Variants in ODAD1 observed in about 807,000 individuals in gnomAD.
ODAD1 encodes outer dynein arm-docking complex subunit 1.
ODAD1 carries 49 observed loss-of-function variants against 67.2 expected under a neutral mutation model. The ratio of observed to expected loss-of-function variants is 0.73; its 90% CI spans 0.58 to 0.92. The LOEUF is 0.92. Ranked by LOEUF, ODAD1 falls within the 40% of genes least tolerant of loss-of-function variation. The pLI is 0.00. For missense variants in ODAD1, 897 were observed against 953.7 expected (o/e 0.94, Z 0.78); for synonymous variants, 345 against 393.7 (o/e 0.88, Z 1.46).
At chr19:48,316,315 G>A (rs1968896810) in intron 5 of ODAD1, among the ~76,000 whole-genome samples, 1 of 152,004 alleles carries the variant, frequency 6.6e-6, no homozygotes, top group African/African-American at 2.4e-5. Context: ...AGGAGACAGA[G>A]GTTGCAGTGA....
rs1459796812 is a variant in ODAD1 at position 48,311,661 on chromosome 19, G to T, written c.489C>A (p.Thr163=). Residue 163 remains threonine (T), a synonymous_variant, in exon 7 of 16, where the codon ACC becomes ACA. Coordinates refer to ENST00000674294, the MANE Select transcript of ODAD1 (RefSeq NM_001364171.2). ...RILENQLDRV[T]CHFDNQLVRN... ...GTACCAGCTGGTTGTCAAAGTGACAGGTGACCTGGGAGTAGAAAGGTGGAT... is the reference window on the plus strand; with the variant it reads ...GTACCAGCTGGTTGTCAAAGTGACATGTGACCTGGGAGTAGAAAGGTGGAT... 20 of 1,541,684 alleles carry T rather than the reference G, an allele frequency of 1.3e-5. No homozygotes were observed. Among genetic ancestry groups the T allele is most frequent in the Non-Finnish European group, 1.8e-5 (20 of 1,137,846 alleles).
chr19:48,321,608 C>A, intron 1 of ODAD1, 70 bp downstream of exon 1: 1 of 373,978 alleles, frequency 2.7e-6, no homozygotes, highest in Non-Finnish European at 4.7e-6. Flanking sequence ...TCGGGAGGCG[C>A]TCAGGCCTTG....
rs1968288321 is a variant in ODAD1, at chr19:48,296,650, G to GT, written c.*325dup. The stretch of plus-strand genomic sequence containing the variant: ...GAGGAGAGAGAGCCGGAAACAGGAG[G>GT]TGGGGGATCCACAGGGGGCCAGGGC... On this transcript the variant is annotated 3_prime_UTR_variant, in exon 16 of 16. Transcript: ENST00000674294. The GT allele has an allele frequency of 1.8e-6, 1 of 541,838 alleles. No individual in the cohort carries two copies. Among genetic ancestry groups the GT allele is most frequent in the Non-Finnish European group, 2.6e-6 (1 of 381,898 alleles). 33.6% of individuals were successfully genotyped at this position (541,838 alleles called of 1,614,324 possible).
At chr19:48,310,846 G>A (rs912824264) in intron 7 of ODAD1, among the ~76,000 whole-genome samples, 2 of 152,110 alleles carry the variant, frequency 1.3e-5, no homozygotes, top group Admixed American at 6.6e-5. Context: ...GGAGGCCGAG[G>A]CAGGCGAATT....
intron 12 of ODAD1, among the ~76,000 whole-genome samples, chr19:48,300,404 CTTCAATGTGGGAG>C (rs368142175): frequency 2.0e-3 from 309 of 152,286 alleles, no homozygotes; most frequent in African/African-American, 6.9e-3. Flanking sequence ...AAGTCACAGA[CTTCAATGTGGGAG>C]TTCAAACAAT....
chr19:48,312,987 T>C (rs1288370988), intron 5 of ODAD1, among the ~76,000 whole-genome samples: 2 of 152,166 alleles, frequency 1.3e-5, no homozygotes, highest in East Asian at 3.9e-4. Flanking sequence ...CCCAGCAAAC[T>C]GGGGGTTCCA....
intron 5 of ODAD1, among the ~76,000 whole-genome samples, 167 bp downstream of exon 5, chr19:48,318,220 G>A (rs1293691986): frequency 1.3e-5 from 2 of 152,044 alleles, no homozygotes; most frequent in African/African-American, 4.8e-5. Flanking sequence ...TTGAACTCCT[G>A]ACCTCAAGTG....
intron 12 of ODAD1, among the ~76,000 whole-genome samples, chr19:48,299,065 C>T (rs924499402): frequency 1.1e-4 from 16 of 152,162 alleles, no homozygotes; most frequent in Admixed American, 2.0e-4. Flanking sequence ...ATTCCCAGAG[C>T]GGAAGGAGGA....
chr19:48,302,364 TTGAA>T (rs983937702), intron 12 of ODAD1, among the ~76,000 whole-genome samples: 2 of 125,190 alleles, frequency 1.6e-5, no homozygotes, highest in African/African-American at 3.2e-5. Flanking sequence ...GAGACAGACG[TTGAA>T]TGGATGGATG....
In ODAD1 at chr19:48,296,987, A is replaced by T; in HGVS notation, c.2113T>A (p.Ser705Thr). 1 of 1,601,914 alleles carries T rather than the reference A, an allele frequency of 6.2e-7. No individual in the cohort carries two copies. Among genetic ancestry groups the T allele is most frequent in the Non-Finnish European group, 8.5e-7 (1 of 1,175,368 alleles). The change falls in exon 16 of 16, where the codon TCC (serine) becomes ACC (threonine). Residue 705 changes from serine (S) to threonine (T), a missense_variant. Transcript: ENST00000674294. ...GCGTGCCCCTCGTGTTAGCCCCGGG[A>T]GTCTTTGCTGGTGGAGGAGCCCGGG... Reference protein sequence around the residue: ...TGPGSSTSKDSRG With the variant: ...TGPGSSTSKDTRG
At chr19:48,308,980 G>A (rs1310669586) in intron 7 of ODAD1, among the ~76,000 whole-genome samples, 1 of 152,138 alleles carries the variant, frequency 6.6e-6, no homozygotes, top group East Asian at 1.9e-4. Context: ...TGGGGTGGGA[G>A]CTCCCAGAGT....
At position 48,321,939 on chromosome 19, in the gene ODAD1, G is replaced by A. The variant is rs536029830; in HGVS notation, c.-325C>T. On this transcript the variant is annotated 5_prime_UTR_variant, in exon 1 of 16. Transcript: ENST00000674294. ...TCCCGGGAAGCAGCCAAAAACGCTT[G>A]GCCGCCTACCACGTCCGCGCGCTGG... The A allele has an allele frequency of 1.3e-5, 5 of 395,878 alleles. No homozygotes were observed. In the East Asian group the frequency reaches 1.4e-4, roughly 11 times the overall value. The allele number at this position is 395,878 out of a possible 1,614,324, so 24.5% of individuals were successfully genotyped here.
intron 12 of ODAD1, among the ~76,000 whole-genome samples, chr19:48,302,417 G>C (rs1009318395): frequency 2.0e-5 from 3 of 149,682 alleles, no homozygotes; most frequent in African/African-American, 7.4e-5. Context: ...GATGGATATG[G>C]GACAGTTGGA....
rs1280915078 is a variant in ODAD1 at position 48,311,474 on chromosome 19, G to A, written c.597+79C>T. 3.7e-6 allele frequency: 3 copies of A among 812,736 alleles called. No individual in the cohort carries two copies. The African/African-American group carries it at 5.1e-5, about 14-fold the overall frequency. The allele number at this position is 812,736 out of a possible 1,614,324, so 50.3% of individuals were successfully genotyped here. A position where few individuals can be genotyped will look rare whatever the true frequency, so the allele number is the denominator to read the frequency against. On this transcript the variant is annotated intron_variant, in intron 7 of 15. Transcript: ENST00000674294. ...TCCCATACTTGAGGCCTGAGTGCTAGAGCAGGAAGGGCAAACAGCTGTGGG... is the reference window on the plus strand; with the variant it reads ...TCCCATACTTGAGGCCTGAGTGCTAAAGCAGGAAGGGCAAACAGCTGTGGG...
intron 8 of ODAD1, among the ~76,000 whole-genome samples, 159 bp from the exon 9 acceptor site, chr19:48,304,299 T>G (rs1247102883): frequency 1.3e-5 from 2 of 152,074 alleles, no homozygotes; most frequent in Non-Finnish European, 2.9e-5. Context: ...GGAATGGGGC[T>G]GAATCAGGTT....
rs559302212 is a variant in ODAD1 at position 48,297,328 on chromosome 19, C to T, written c.1772G>A (p.Arg591His). Residue 591 changes from arginine to histidine, a missense_variant, in exon 16 of 16, where the codon CGT (arginine) becomes CAT (histidine). Physicochemically the swap from Arg to His is conservative, Grantham distance 29. Coordinates refer to ENST00000674294, the MANE Select transcript of ODAD1 (RefSeq NM_001364171.2). ...AAAAGTGACGTGGCCAAGAGAGCCA[C>T]GGTCTCTGCTAGTCTTGTGGCTCAA... ...SILSHKTSRD[R>H]GSLGHVTFGG... 20 of 1,613,056 alleles carry T rather than the reference C, an allele frequency of 1.2e-5. No homozygotes were observed. Among genetic ancestry groups the T allele is most frequent in the Middle Eastern group, 1.6e-4 (1 of 6,062 alleles).
rs148270187 is a variant in ODAD1 at position 48,312,235 on chromosome 19, A to G, written c.361-119T>C. Reference sequence around the variant, plus strand: ...TCTGCTGTCCCTGTCACCCCAGAATAACATCTACCCTTCTGCTGACACTAT... The same window carrying G: ...TCTGCTGTCCCTGTCACCCCAGAATGACATCTACCCTTCTGCTGACACTAT... On this transcript the variant is annotated intron_variant, in intron 5 of 15. Coordinates refer to ENST00000674294, the MANE Select transcript of ODAD1 (RefSeq NM_001364171.2). 6.9e-6 allele frequency: 5 copies of G among 721,108 alleles called. No individual in the cohort carries two copies. In the African/African-American group the frequency reaches 7.0e-5, roughly 10 times the overall value. The allele number at this position is 721,108 out of a possible 1,614,324, so 44.7% of individuals were successfully genotyped here.
At position 48,297,775 on chromosome 19, in the gene ODAD1, C is replaced by T. The variant is rs113980572; in HGVS notation, c.1503-107G>A. The stretch of plus-strand genomic sequence containing the variant: ...GCCTCAGCCATTCTCCCACCAGCCC[C>T]GAGTGCCCTTCCCTTCTGGGGCACC... On this transcript the variant is annotated intron_variant, in intron 14 of 15. Coordinates refer to ENST00000674294, the MANE Select transcript of ODAD1 (RefSeq NM_001364171.2). The T allele has an allele frequency of 1.6e-3, 1,684 of 1,065,690 alleles. 17 individuals carry two copies. In the African/African-American group the frequency reaches 0.022, roughly 14 times the overall value. 66.0% of individuals were successfully genotyped at this position (1,065,690 alleles called of 1,614,324 possible).
chr19:48,316,831 C>T (rs188893734), intron 5 of ODAD1, among the ~76,000 whole-genome samples: 1 of 152,226 alleles, frequency 6.6e-6, no homozygotes, highest in African/African-American at 2.4e-5. Flanking sequence ...AACCTCATCT[C>T]TACCAAAAAA....
Sources: gnomAD v4.1 joint callset for allele counts (sites outside exome capture counted in the v4.1 genomes callset) on GRCh38, gnomAD v4.1.1 for gene constraint, MANE v1.5 for transcripts, NCBI Gene and HGNC (gene_info 2026-07-23, HGNC 2026-07-21) for gene names.